RIGI: variants seen among roughly 807,000 people sequenced by gnomAD.
RIGI encodes the protein antiviral innate immune response receptor RIG-I.
chr9:32,509,809 C>G, the RIGI span, among the ~76,000 whole-genome samples: 3 of 151,894 alleles, frequency 2.0e-5, no homozygotes, highest in Non-Finnish European at 4.4e-5. Flanking sequence ...GGAGCATGTT[C>G]TAACCCAATG....
chr9:32,520,134 T>A, the RIGI span, among the ~76,000 whole-genome samples: 1 of 152,162 alleles, frequency 6.6e-6, no homozygotes, highest in African/African-American at 2.4e-5. Flanking sequence ...TTTTTTTTTT[T>A]AATGATGGAA....
At chr9:32,511,891 A>C in the RIGI span, among the ~76,000 whole-genome samples, 3 of 152,208 alleles carry the variant, frequency 2.0e-5, no homozygotes, top group Non-Finnish European at 4.4e-5. Context: ...AAAAATAATA[A>C]AGGGGATGTC....
the RIGI span, among the ~76,000 whole-genome samples, chr9:32,463,416 C>G: frequency 6.6e-6 from 1 of 152,148 alleles, no homozygotes; most frequent in Non-Finnish European, 1.5e-5. Context: ...CTAATCACTA[C>G]TTAAGCAGAA....
chr9:32,525,787 TAAATGAAAC>T, the RIGI span, among the ~76,000 whole-genome samples: 1 of 97,992 alleles, frequency 1.0e-5, no homozygotes, highest in African/African-American at 4.0e-5. Flanking sequence ...TTAGTGAAAA[TAAATGAAAC>T]AAAATTTCTT....
the RIGI span, among the ~76,000 whole-genome samples, chr9:32,498,058 A>G: frequency 6.0e-3 from 917 of 152,300 alleles, 9 homozygotes; most frequent in African/African-American, 0.021. Flanking sequence ...GACTTGCTCC[A>G]TTGCTGATTT....
chr9:32,467,422 G>C, the RIGI span, among the ~76,000 whole-genome samples: 2 of 152,194 alleles, frequency 1.3e-5, no homozygotes, highest in Non-Finnish European at 2.9e-5. Context: ...CAACTCTGGA[G>C]TATCCCTTCT....
At chr9:32,519,150 A>G in the RIGI span, among the ~76,000 whole-genome samples, 5 of 152,212 alleles carry the variant, frequency 3.3e-5, no homozygotes, top group South Asian at 1.0e-3. Context: ...TAAACTGAGT[A>G]GAAAATTTTC....
chr9:32,478,041 G>GTTTTTTTTTTT, the RIGI span, among the ~76,000 whole-genome samples: 1 of 151,364 alleles, frequency 6.6e-6, no homozygotes, highest in African/African-American at 2.5e-5. Context: ...TGTTTTATCG[G>GTTTTTTTTTTT]TTTTTGTTTT....
the RIGI span, among the ~76,000 whole-genome samples, chr9:32,500,216 A>G: frequency 5.9e-5 from 9 of 152,182 alleles, no homozygotes; most frequent in Admixed American, 5.9e-4. Context: ...TTGGGTCGTA[A>G]TTCTTCCATA....
At chr9:32,489,693 C>T in the RIGI span, among the ~76,000 whole-genome samples, 2 of 150,984 alleles carry the variant, frequency 1.3e-5, no homozygotes, top group Non-Finnish European at 2.9e-5. Context: ...ATTTTTTATA[C>T]AATCATGGAA....
the RIGI span, among the ~76,000 whole-genome samples, chr9:32,466,011 C>T: frequency 6.6e-6 from 1 of 152,104 alleles, no homozygotes; most frequent in African/African-American, 2.4e-5. Context: ...GCTGTTTTTT[C>T]CAGTATTAGG....
the RIGI span, among the ~76,000 whole-genome samples, chr9:32,511,167 A>G: frequency 6.6e-6 from 1 of 151,868 alleles, no homozygotes; most frequent in East Asian, 1.9e-4. Context: ...CACTGTCAAT[A>G]ATAGATCAAC....
the RIGI span, chr9:32,477,171 T>A: frequency 6.2e-7 from 1 of 1,606,074 alleles, no homozygotes; most frequent in East Asian, 2.2e-5. Flanking sequence ...TTATAAATTC[T>A]AAAAATTTAG....
the RIGI span, among the ~76,000 whole-genome samples, chr9:32,479,470 T>C: frequency 0.023 from 3,493 of 152,226 alleles, 56 homozygotes; most frequent in Admixed American, 0.036. Flanking sequence ...CTTTTTTTTG[T>C]TTGTTTAATA....
At chr9:32,478,927 A>G in the RIGI span, among the ~76,000 whole-genome samples, 1 of 152,222 alleles carries the variant, frequency 6.6e-6, no homozygotes, top group African/African-American at 2.4e-5. Context: ...AAATTTAGCT[A>G]TTACATTGAA....
the RIGI span, among the ~76,000 whole-genome samples, chr9:32,520,540 T>A: frequency 2.6e-5 from 4 of 152,178 alleles, no homozygotes; most frequent in African/African-American, 7.2e-5. Context: ...ACAATCAAAA[T>A]GAACTGCTTT....
chr9:32,478,720 C>T, the RIGI span, among the ~76,000 whole-genome samples: 5 of 151,980 alleles, frequency 3.3e-5, no homozygotes, highest in Admixed American at 2.0e-4. Context: ...CCACTATGCT[C>T]AGCTAATTTT....
At chr9:32,493,925 C>CA in the RIGI span, 5 of 1,602,628 alleles carry the variant, frequency 3.1e-6, no homozygotes, top group Admixed American at 5.2e-5. Context: ...TCAATGGCTT[C>CA]ATAAAGTCCA....
At chr9:32,486,858 G>C in the RIGI span, among the ~76,000 whole-genome samples, 1 of 151,902 alleles carries the variant, frequency 6.6e-6, no homozygotes, top group South Asian at 2.1e-4. Context: ...CCTTCAAAAA[G>C]GAACTTATCT....
Sources: gnomAD v4.1 joint callset for allele counts (sites outside exome capture counted in the v4.1 genomes callset) on GRCh38, gnomAD v4.1.1 for gene constraint, MANE v1.5 for transcripts, NCBI Gene and HGNC (gene_info 2026-07-23, HGNC 2026-07-21) for gene names.